The following STX18 variants were observed in gnomAD, a reference collection of about 807,000 sequenced individuals.
STX18 encodes syntaxin-18.
A neutral mutation model predicts 50.1 loss-of-function variants in STX18; 40 were observed. That is an observed-to-expected ratio of 0.80 (90% confidence interval 0.62 to 1.04). The LOEUF is 1.04. Ranked by LOEUF, STX18 falls within the 50% of genes least tolerant of loss-of-function variation. The pLI is 0.00. For synonymous variants in STX18, 158 were observed against 151.8 expected, an observed-to-expected ratio of 1.04 and a Z score of -0.30; for missense variants, 410 against 415.8, an observed-to-expected ratio of 0.99 and a Z score of 0.12.
At chr4:4,536,217 C>A (rs139462059) in intron 1 of STX18, among the ~76,000 whole-genome samples, 3 of 152,294 alleles carry the variant, frequency 2.0e-5, no homozygotes, top group Non-Finnish European at 2.9e-5. Context: ...CTGCAATGAG[C>A]CTTGGACAGA....
At chr4:4,512,287 T>C (rs1730040769) in intron 1 of STX18, among the ~76,000 whole-genome samples, 1 of 152,094 alleles carries the variant, frequency 6.6e-6, no homozygotes, top group Non-Finnish European at 1.5e-5. Context: ...CTTTGTTTGC[T>C]GAAATCCAGG....
chr4:4,538,866 A>G (rs548082833), intron 1 of STX18, among the ~76,000 whole-genome samples: 3 of 152,306 alleles, frequency 2.0e-5, no homozygotes, highest in African/African-American at 7.2e-5. Context: ...GCAGAGTGAC[A>G]TATTCATTAT....
At chr4:4,441,303 T>A (rs571024914) in intron 5 of STX18, among the ~76,000 whole-genome samples, 2 of 152,222 alleles carry the variant, frequency 1.3e-5, no homozygotes, top group South Asian at 4.1e-4. Flanking sequence ...AAGAAGAGCA[T>A]GTGGTATGGG....
In STX18 at chr4:4,541,876, C is replaced by T. The variant is rs1336425403; in HGVS notation, c.89G>A (p.Gly30Glu). ...CAGCTCGTCCCGGCTGCCATCGACC[C>T]CGCCGCCCACCGCCACTCCCAGCGC... ...NKALGVAVGG[G>E]VDGSRDELFR... Residue 30 changes from glycine (G) to glutamate (E), a missense_variant, in exon 1 of 11, where the codon GGG (glycine) becomes GAG (glutamate). Transcript: ENST00000306200. 1 of 1,602,878 alleles carries T rather than the reference C, an allele frequency of 6.2e-7. No homozygotes were observed. Among genetic ancestry groups the T allele is most frequent in the African/African-American group, 1.3e-5 (1 of 74,838 alleles).
At chr4:4,451,028 A>G (rs573184228) in intron 5 of STX18, among the ~76,000 whole-genome samples, 1 of 152,366 alleles carries the variant, frequency 6.6e-6, no homozygotes, top group African/African-American at 2.4e-5. Flanking sequence ...CAGAATGTCT[A>G]CTAAAGTCCC....
chr4:4,419,030 A>T lies in STX18; in HGVS notation c.*1004T>A, dbSNP rs552456594. On this transcript the variant is annotated 3_prime_UTR_variant, in exon 11 of 11. Transcript: ENST00000306200. The stretch of plus-strand genomic sequence containing the variant: ...ATTTACATGTAACTTCTGACATTTC[A>T]CTCTGTGCAAATAAAGAACATGAGG... 6.6e-6 allele frequency: 1 copy of T among 152,128 alleles called. No individual in the cohort carries two copies. Among genetic ancestry groups the T allele is most frequent in the Non-Finnish European group, 1.5e-5 (1 of 68,048 alleles). 9.4% of individuals were successfully genotyped at this position (152,128 alleles called of 1,614,324 possible).
intron 1 of STX18, among the ~76,000 whole-genome samples, chr4:4,487,900 T>C (rs1271402157): frequency 6.6e-6 from 1 of 152,200 alleles, no homozygotes; most frequent in African/African-American, 2.4e-5. Context: ...AGTTCCTAGC[T>C]CAACAAATGT....
At chr4:4,505,140 T>C (rs1729640993) in intron 1 of STX18, among the ~76,000 whole-genome samples, 1 of 152,192 alleles carries the variant, frequency 6.6e-6, no homozygotes, top group Admixed American at 6.5e-5. Flanking sequence ...GATTTGCCTG[T>C]TCTGGACATT....
chr4:4,516,829 T>C (rs1730289646), intron 1 of STX18, among the ~76,000 whole-genome samples: 2 of 152,138 alleles, frequency 1.3e-5, no homozygotes, highest in Admixed American at 1.3e-4. Flanking sequence ...GCAGTAACAA[T>C]GATGTTGTTA....
At chr4:4,521,502 G>A (rs1470665722) in intron 1 of STX18, among the ~76,000 whole-genome samples, 1 of 152,112 alleles carries the variant, frequency 6.6e-6, no homozygotes, top group Non-Finnish European at 1.5e-5. Flanking sequence ...TAGAGCGGGG[G>A]AGGATAAAGA....
chr4:4,478,170 T>A (rs73796019), intron 1 of STX18, among the ~76,000 whole-genome samples: 3,126 of 151,926 alleles, frequency 0.021, 109 homozygotes, highest in African/African-American at 0.072. Context: ...TGTGAGAGTA[T>A]TTGTATATGT....
At chr4:4,433,534 TAAA>T (rs10676475) in intron 7 of STX18, among the ~76,000 whole-genome samples, 5 of 111,068 alleles carry the variant, frequency 4.5e-5, no homozygotes, top group Non-Finnish European at 5.7e-5. Flanking sequence ...AAAAATAAAT[TAAA>T]AAAAAAAAAA....
intron 9 of STX18, among the ~76,000 whole-genome samples, chr4:4,422,569 CAAA>C (rs59060926): frequency 6.5e-5 from 7 of 107,656 alleles, no homozygotes; most frequent in Admixed American, 1.0e-4. Flanking sequence ...ACTCTGTCTC[CAAA>C]AAAAAAAAAA....
At chr4:4,520,029 C>T (rs1730442511) in intron 1 of STX18, among the ~76,000 whole-genome samples, 1 of 152,080 alleles carries the variant, frequency 6.6e-6, no homozygotes, top group East Asian at 1.9e-4. Context: ...TTACAAATTC[C>T]AGTTACAACA....
rs34174730 is a variant in STX18, at chr4:4,436,950, CTTTTTTT to C, written c.613+1437_613+1443del. Among the ~76,000 whole-genome samples, 117 of 116,766 alleles carry C rather than the reference CTTTTTTT, an allele frequency of 1.0e-3. 2 individuals are homozygous for C. Among genetic ancestry groups the C allele is most frequent in the Admixed American group, 2.9e-3 (34 of 11,798 alleles). 76.6% of individuals were successfully genotyped at this position (116,766 alleles called of 152,430 possible). A position where few individuals can be genotyped will look rare whatever the true frequency, so the allele number is the denominator to read the frequency against. ...TTTTATTTTTTCAGGTCCAGACTCA[CTTTTTTT>C]TTTTTTTTTTTTTTTTTTTGAGACG... On this transcript the variant is annotated intron_variant, in intron 6 of 10. Coordinates refer to ENST00000306200, the MANE Select transcript of STX18 (RefSeq NM_016930.4).
At chr4:4,490,549 T>C (rs956491121) in intron 1 of STX18, among the ~76,000 whole-genome samples, 5 of 152,156 alleles carry the variant, frequency 3.3e-5, no homozygotes, top group Admixed American at 6.5e-5. Context: ...TCTCTACAGA[T>C]GCTTACTTCG....
At chr4:4,442,975 G>A (rs989358339) in intron 5 of STX18, among the ~76,000 whole-genome samples, 3 of 152,122 alleles carry the variant, frequency 2.0e-5, no homozygotes, top group East Asian at 3.9e-4. Flanking sequence ...ACTACACTGC[G>A]TCATTATTTC....
At chr4:4,459,511 G>A (rs775233111) in intron 2 of STX18, 24 bp from the exon 3 acceptor site, 1 of 1,537,582 alleles carries the variant, frequency 6.5e-7, no homozygotes, top group Non-Finnish European at 9.0e-7. Context: ...GCAAAGGAAA[G>A]GGCAGCAGCA....
chr4:4,528,962 T>C (rs918678568), intron 1 of STX18, among the ~76,000 whole-genome samples: 1 of 152,190 alleles, frequency 6.6e-6, no homozygotes, highest in Admixed American at 6.5e-5. Flanking sequence ...TTTTCAAATG[T>C]CTATAATCCA....
Sources: allele counts gnomAD v4.1 joint callset (sites outside exome capture counted in the v4.1 genomes callset), GRCh38; gene constraint gnomAD v4.1.1; transcripts MANE v1.5; gene names NCBI Gene and HGNC (gene_info 2026-07-23, HGNC 2026-07-21).